The following ZNRF1 variants were observed in gnomAD, a reference collection of about 807,000 sequenced individuals.
ZNRF1 encodes the protein zinc and ring finger 1.
A neutral mutation model predicts 18.4 loss-of-function variants in ZNRF1; 3 were observed. The observed-to-expected ratio is 0.16, with a 90% CI of 0.07 to 0.42. The LOEUF (loss-of-function observed/expected upper bound fraction) is 0.42, where lower values mean the gene tolerates loss of function less well. ZNRF1 is among the 10% of genes least tolerant of loss of function. The probability of loss-of-function intolerance (pLI) is 0.99; values close to 1 mark genes in which losing one functional copy is unlikely to be tolerated. For synonymous variants in ZNRF1, 157 were observed against 144.2 expected (o/e 1.09, Z -0.64); for missense variants, 310 against 329.8 (o/e 0.94, Z 0.47).
intron 1 of ZNRF1, among the ~76,000 whole-genome samples, chr16:75,066,724 G>A (rs1188401812): frequency 3.3e-5 from 5 of 151,902 alleles, no homozygotes; most frequent in Non-Finnish European, 5.9e-5. Flanking sequence ...GGCTGGTCTC[G>A]AACTCCCAAC....
At chr16:75,016,214 C>T (rs530618564) in intron 1 of ZNRF1, among the ~76,000 whole-genome samples, 28 of 152,040 alleles carry the variant, frequency 1.8e-4, no homozygotes, top group Middle Eastern at 3.4e-3. Flanking sequence ...TGAGCCACCG[C>T]GCCCGGCCGC....
At chr16:75,063,887 C>G (rs2035771042) in intron 1 of ZNRF1, among the ~76,000 whole-genome samples, 1 of 152,138 alleles carries the variant, frequency 6.6e-6, no homozygotes, top group African/African-American at 2.4e-5. Context: ...TGTGTATCTG[C>G]CCCCCTCATG....
intron 1 of ZNRF1, among the ~76,000 whole-genome samples, chr16:75,012,504 A>G (rs1486922485): frequency 1.3e-5 from 2 of 152,134 alleles, no homozygotes; most frequent in East Asian, 3.9e-4. Context: ...GGATTCATAT[A>G]AGGTCGTCTG....
chr16:75,091,944 A>G (rs1352085813), intron 1 of ZNRF1, among the ~76,000 whole-genome samples: 1 of 152,172 alleles, frequency 6.6e-6, no homozygotes, highest in African/African-American at 2.4e-5. Context: ...TTTGTATGTT[A>G]TAAATGTATT....
At chr16:75,001,953 AAT>A (rs1331855699) in intron 1 of ZNRF1, among the ~76,000 whole-genome samples, 1 of 152,136 alleles carries the variant, frequency 6.6e-6, no homozygotes, top group East Asian at 1.9e-4. Flanking sequence ...GGAGCATATT[AAT>A]CCTTTAGGGA....
rs369210739 is a variant in ZNRF1 at position 75,072,436 on chromosome 16, G to A, written c.425-21136G>A. Among the ~76,000 whole-genome samples the A allele has an allele frequency of 6.6e-5, 10 of 152,266 alleles. No homozygotes were observed. In the East Asian group the frequency reaches 1.2e-3, roughly 18 times the overall value. ...GTCGTAATGCTGATCACAAGGTAGT[G>A]CTCTGGCTTGTTTACTTGTCTGGAT... On this transcript the variant is annotated intron_variant, in intron 1 of 4. Coordinates refer to ENST00000335325, the MANE Select transcript of ZNRF1 (RefSeq NM_032268.5).
chr16:75,061,315 C>T (rs1275377679), intron 1 of ZNRF1, among the ~76,000 whole-genome samples: 2 of 152,188 alleles, frequency 1.3e-5, no homozygotes, highest in African/African-American at 4.8e-5. Flanking sequence ...AGTACCCTTC[C>T]CAACCTCTGG....
Position 75,109,225 on chromosome 16 carries a change from T to C in ZNRF1, c.*1525T>C, listed in dbSNP as rs1232719099. The C allele has an allele frequency of 1.3e-5, 2 of 152,716 alleles. No individual in the cohort carries two copies. Among genetic ancestry groups the C allele is most frequent in the African/African-American group, 4.8e-5 (2 of 41,478 alleles). 9.5% of individuals were successfully genotyped at this position (152,716 alleles called of 1,614,324 possible). ...AACCAACTGCTCAGGCTCACAAAAGTTGGCAAAATGCGGGCTGGGCAGGCA... is the reference window on the plus strand; with the variant it reads ...AACCAACTGCTCAGGCTCACAAAAGCTGGCAAAATGCGGGCTGGGCAGGCA... On this transcript the variant is annotated 3_prime_UTR_variant, in exon 5 of 5. Coordinates refer to ENST00000335325, the MANE Select transcript of ZNRF1 (RefSeq NM_032268.5).
Position 75,048,815 on chromosome 16 carries a change from C to G in ZNRF1, c.425-44757C>G, listed in dbSNP as rs192888373. ...TGTAGCTGCCAACTCTGAAATGGTG[C>G]GCAGATCTCGTTTCCCAGTAACCTT... On this transcript the variant is annotated intron_variant, in intron 1 of 4. Coordinates refer to ENST00000335325, the MANE Select transcript of ZNRF1 (RefSeq NM_032268.5). Among the ~76,000 whole-genome samples the G allele has an allele frequency of 2.0e-5, 3 of 152,222 alleles. No individual in the cohort carries two copies. In the East Asian group the frequency reaches 5.8e-4, roughly 29 times the overall value.
intron 1 of ZNRF1, among the ~76,000 whole-genome samples, chr16:75,086,259 C>T (rs907263878): frequency 6.6e-6 from 1 of 152,164 alleles, no homozygotes; most frequent in Non-Finnish European, 1.5e-5. Context: ...GTCAAATTGA[C>T]CCATCACAAC....
At chr16:75,078,501 G>A (rs1212366551) in intron 1 of ZNRF1, among the ~76,000 whole-genome samples, 6 of 152,012 alleles carry the variant, frequency 3.9e-5, no homozygotes, top group South Asian at 2.1e-4. Context: ...GTTTCACCAC[G>A]TTGGTCAGGC....
At chr16:75,029,822 G>T (rs1272469832) in intron 1 of ZNRF1, among the ~76,000 whole-genome samples, 2 of 151,906 alleles carry the variant, frequency 1.3e-5, no homozygotes, top group African/African-American at 4.8e-5. Flanking sequence ...ATCACTTGAG[G>T]TCAGGAGTTC....
chr16:75,004,787 A>G (rs544749640), intron 1 of ZNRF1, among the ~76,000 whole-genome samples: 1 of 152,126 alleles, frequency 6.6e-6, no homozygotes, highest in East Asian at 1.9e-4. Context: ...TAAATTTTAT[A>G]CAATCTTTTG....
chr16:75,105,182 A>C (rs957192156), intron 3 of ZNRF1: 10 of 340,800 alleles, frequency 2.9e-5, no homozygotes, highest in African/African-American at 2.1e-4. Flanking sequence ...GGAGCTTCGG[A>C]TCCCACTGGG....
rs1188011406 is a variant in ZNRF1 at position 75,040,396 on chromosome 16, G to A, written c.424+40301G>A. Among the ~76,000 whole-genome samples, 7 of 151,640 alleles carry A rather than the reference G, an allele frequency of 4.6e-5. No homozygotes were observed. In the South Asian group the frequency reaches 6.3e-4, roughly 14 times the overall value. On this transcript the variant is annotated intron_variant, in intron 1 of 4. Transcript: ENST00000335325. ...TGTCCTCCCAAAGTGCTGGGATTAC[G>A]GATGTGAACCACCACATCTGAAAGG...
chr16:75,020,115 A>G (rs2035125145), intron 1 of ZNRF1, among the ~76,000 whole-genome samples: 1 of 152,194 alleles, frequency 6.6e-6, no homozygotes, highest in African/African-American at 2.4e-5. Context: ...GTGTCTGCAT[A>G]TAATTTGAAG....
At chr16:75,027,297 T>C (rs1275440864) in intron 1 of ZNRF1, among the ~76,000 whole-genome samples, 1 of 152,154 alleles carries the variant, frequency 6.6e-6, no homozygotes, top group Non-Finnish European at 1.5e-5. Flanking sequence ...ATAAAAGTGC[T>C]GTGGCTCTAA....
At chr16:75,071,976 T>G (rs1451220431) in intron 1 of ZNRF1, among the ~76,000 whole-genome samples, 1 of 152,088 alleles carries the variant, frequency 6.6e-6, no homozygotes, top group Non-Finnish European at 1.5e-5. Flanking sequence ...TGAGATAAGG[T>G]CTTTCCAGCT....
At position 75,071,842 on chromosome 16, in the gene ZNRF1, G is replaced by A. The variant is rs1006095734; in HGVS notation, c.425-21730G>A. Reference sequence around the variant, plus strand: ...GAAACAATAATCTCCCTGTCACCCCGGGGCCTTTGCACATGATGCCCCCTC... The same window carrying A: ...GAAACAATAATCTCCCTGTCACCCCAGGGCCTTTGCACATGATGCCCCCTC... On this transcript the variant is annotated intron_variant, in intron 1 of 4. Coordinates refer to ENST00000335325, the MANE Select transcript of ZNRF1 (RefSeq NM_032268.5). Among the ~76,000 whole-genome samples, 14 of 152,120 alleles carry A rather than the reference G, an allele frequency of 9.2e-5. No homozygotes were observed. The East Asian group carries it at 2.1e-3, about 23-fold the overall frequency.
Sources: gnomAD v4.1 joint callset for allele counts (sites outside exome capture counted in the v4.1 genomes callset) on GRCh38, gnomAD v4.1.1 for gene constraint, MANE v1.5 for transcripts, NCBI Gene and HGNC (gene_info 2026-07-23, HGNC 2026-07-21) for gene names.